Variants in CCBE1 observed in about 807,000 individuals in gnomAD.
CCBE1 encodes collagen and calcium-binding EGF domain-containing protein 1.
In CCBE1, 37 loss-of-function variants were observed where a neutral mutation model predicts 50.0. That is an observed-to-expected ratio of 0.74 (90% CI 0.57 to 0.97). The LOEUF (loss-of-function observed/expected upper bound fraction) is 0.97, where lower values mean the gene tolerates loss of function less well. CCBE1 is among the 50% of genes least tolerant of loss of function. CCBE1 has a pLI of 0.00. For missense variants in CCBE1, 538 were observed against 523.8 expected (o/e 1.03, Z -0.26); for synonymous variants, 234 against 203.7 (o/e 1.15, Z -1.27).
At chr18:59,463,015 A>G (rs1166375533) in intron 5 of CCBE1, among the ~76,000 whole-genome samples, 3 of 152,240 alleles carry the variant, frequency 2.0e-5, no homozygotes, top group Non-Finnish European at 4.4e-5. Context: ...ACTGGTCATC[A>G]ACTAAAAATA....
At chr18:59,544,465 G>C (rs1161861411) in intron 2 of CCBE1, among the ~76,000 whole-genome samples, 1 of 152,154 alleles carries the variant, frequency 6.6e-6, no homozygotes, top group Non-Finnish European at 1.5e-5. Context: ...TCCTGCAAAT[G>C]ATCTTTTCAA....
At chr18:59,660,153 G>A (rs1322159314) in intron 2 of CCBE1, among the ~76,000 whole-genome samples, 1 of 152,154 alleles carries the variant, frequency 6.6e-6, no homozygotes, top group Non-Finnish European at 1.5e-5. Flanking sequence ...AATCCAGCCT[G>A]CACTCCCTCT....
chr18:59,595,892 C>G (rs1452899298), intron 2 of CCBE1, among the ~76,000 whole-genome samples: 1 of 152,164 alleles, frequency 6.6e-6, no homozygotes. Flanking sequence ...AAGGACTTTG[C>G]TACCTCCAAG....
intron 2 of CCBE1, among the ~76,000 whole-genome samples, chr18:59,682,102 G>A (rs2054597395): frequency 6.6e-6 from 1 of 152,186 alleles, no homozygotes; most frequent in Non-Finnish European, 1.5e-5. Context: ...GTTGGCTCAT[G>A]CCTGTAATCC....
At chr18:59,551,011 AAAAAAAAAAAAAAAAAAAG>A (rs1213683850) in intron 2 of CCBE1, among the ~76,000 whole-genome samples, 31 of 28,830 alleles carry the variant, frequency 1.1e-3, no homozygotes, top group African/African-American at 1.9e-3. Flanking sequence ...AAAAAAAAAA[AAAAAAAAAAAAAAAAAAAG>A]AAAAGAAAAG....
At chr18:59,511,169 C>A (rs1311872034) in intron 2 of CCBE1, among the ~76,000 whole-genome samples, 1 of 152,234 alleles carries the variant, frequency 6.6e-6, no homozygotes, top group African/African-American at 2.4e-5. Context: ...TGTGCACTTG[C>A]AAGTACTGGC....
chr18:59,523,340 G>A (rs1392694463), intron 2 of CCBE1, among the ~76,000 whole-genome samples: 3 of 151,034 alleles, frequency 2.0e-5, no homozygotes, highest in Non-Finnish European at 4.4e-5. Flanking sequence ...TGGGTTGATA[G>A]GGATACAGCC....
chr18:59,541,250 T>C (rs1263005242), intron 2 of CCBE1, among the ~76,000 whole-genome samples: 6 of 152,236 alleles, frequency 3.9e-5, no homozygotes, highest in Non-Finnish European at 7.3e-5. Context: ...TAAATTCTAT[T>C]CAGTACTCTA....
At chr18:59,467,714 G>C (rs1224428293) in intron 4 of CCBE1, among the ~76,000 whole-genome samples, 3 of 152,172 alleles carry the variant, frequency 2.0e-5, no homozygotes, top group Non-Finnish European at 4.4e-5. Flanking sequence ...GCAGTGGGTG[G>C]GAGCCGTGGC....
upstream of CCBE1, chr18:59,697,501 G>A (rs976746398): frequency 1.1e-6 from 1 of 928,802 alleles, no homozygotes; most frequent in Non-Finnish European, 1.6e-6. Flanking sequence ...GGAATATTAT[G>A]GGGCTGGGGG....
At chr18:59,529,293 G>A (rs1049711458) in intron 2 of CCBE1, among the ~76,000 whole-genome samples, 9 of 152,170 alleles carry the variant, frequency 5.9e-5, no homozygotes, top group African/African-American at 2.2e-4. Context: ...TTCCTCCCAG[G>A]TCCAAACCAC....
intron 2 of CCBE1, among the ~76,000 whole-genome samples, chr18:59,526,061 T>G (rs1220987913): frequency 6.6e-6 from 1 of 152,212 alleles, no homozygotes; most frequent in Non-Finnish European, 1.5e-5. Flanking sequence ...AAGATTGTCC[T>G]GGCTATATGG....
chr18:59,658,881 A>C (rs934375694), intron 2 of CCBE1, among the ~76,000 whole-genome samples: 945 of 92,164 alleles, frequency 0.01, 12 homozygotes, highest in African/African-American at 0.039. Flanking sequence ...CTCTGTCTCA[A>C]AAAAAAAAAA....
intron 2 of CCBE1, among the ~76,000 whole-genome samples, chr18:59,549,177 T>C (rs944355911): frequency 5.9e-5 from 9 of 152,006 alleles, no homozygotes; most frequent in South Asian, 2.1e-4. Flanking sequence ...CCACACCGTG[T>C]TTCACATGTG....
chr18:59,580,166 C>T (rs149806637), intron 2 of CCBE1, among the ~76,000 whole-genome samples: 1 of 152,184 alleles, frequency 6.6e-6, no homozygotes, highest in African/African-American at 2.4e-5. Context: ...TTAGGGCAAG[C>T]CTGCCTCTTG....
intron 2 of CCBE1, among the ~76,000 whole-genome samples, chr18:59,615,609 T>C (rs1428548063): frequency 4.6e-5 from 7 of 152,214 alleles, no homozygotes; most frequent in African/African-American, 1.7e-4. Context: ...CCTAAATTGG[T>C]TTTGAGCACA....
chr18:59,561,012 C>G (rs191280218), intron 2 of CCBE1, among the ~76,000 whole-genome samples: 172 of 152,000 alleles, frequency 1.1e-3, no homozygotes, highest in Non-Finnish European at 2.2e-3. Context: ...AGCGTCCCCC[C>G]ATTCCAAATG....
intron 2 of CCBE1, among the ~76,000 whole-genome samples, chr18:59,530,585 C>T (rs1034257093): frequency 7.9e-5 from 12 of 152,198 alleles, no homozygotes; most frequent in Non-Finnish European, 1.8e-4. Flanking sequence ...CTCCTGTACA[C>T]TGATAAGATA....
chr18:59,557,871 C>T (rs1427002301), intron 2 of CCBE1, among the ~76,000 whole-genome samples: 2 of 152,206 alleles, frequency 1.3e-5, no homozygotes, highest in African/African-American at 4.8e-5. Flanking sequence ...AGAACCTGGA[C>T]CACTCTTAGT....
Sources: allele counts gnomAD v4.1 joint callset (sites outside exome capture counted in the v4.1 genomes callset), GRCh38; gene constraint gnomAD v4.1.1; transcripts MANE v1.5; gene names NCBI Gene and HGNC (gene_info 2026-07-23, HGNC 2026-07-21).